Variants in USP32 observed in about 807,000 individuals in gnomAD.
USP32 encodes the protein ubiquitin carboxyl-terminal hydrolase 32.
A neutral mutation model predicts 204.8 loss-of-function variants in USP32; 59 were observed. The ratio of observed to expected loss-of-function variants is 0.29; its 90% confidence interval spans 0.23 to 0.36. The LOEUF (loss-of-function observed/expected upper bound fraction) is 0.36, where lower values mean the gene tolerates loss of function less well. Among genes scored for constraint, USP32 ranks in the 10% least tolerant of loss-of-function variants. The pLI is 1.00. For synonymous variants in USP32, 517 were observed against 678.4 expected (o/e 0.76, Z 3.70); for missense variants, 1,160 against 1,946.4 (o/e 0.60, Z 7.60).
Position 60,398,814 on chromosome 17 carries a change from C to CA in USP32, c.106+23431dup, listed in dbSNP as rs34107183. 2.6e-3 allele frequency among the ~76,000 whole-genome samples: 361 copies of CA among 141,088 alleles called. 2 individuals carry two copies. The highest frequency in any genetic ancestry group is 5.4e-3 in the African/African-American group (206 of 38,424). 92.6% of individuals were successfully genotyped at this position (141,088 alleles called of 152,430 possible). The stretch of plus-strand genomic sequence containing the variant: ...GCAACATTGCAAGACCCTGTCTCTA[C>CA]AAAAAAAAAAAATTTAATTAGCTGG... On this transcript the variant is annotated intron_variant, in intron 1 of 3. Transcript: ENST00000588898.
chr17:60,270,684 A>G (rs1401375799), intron 6 of USP32, among the ~76,000 whole-genome samples: 1 of 151,988 alleles, frequency 6.6e-6, no homozygotes, highest in Non-Finnish European at 1.5e-5. Context: ...TTAGCCGGGC[A>G]TGGTGGCACA....
At chr17:60,418,671 AAAAC>A (rs1178510652) in intron 1 of USP32, among the ~76,000 whole-genome samples, 1 of 152,132 alleles carries the variant, frequency 6.6e-6, no homozygotes, top group Non-Finnish European at 1.5e-5. Context: ...TACAAGAATA[AAAAC>A]AAACAACCCC....
At chr17:60,185,779 T>C (rs2084235383) in intron 29 of USP32, 128 bp from the exon 30 acceptor site, 1 of 1,126,738 alleles carries the variant, frequency 8.9e-7, no homozygotes, top group Admixed American at 2.8e-5. Context: ...AAAATACAAC[T>C]GGCTGGGTAT....
intron 4 of USP32, among the ~76,000 whole-genome samples, chr17:60,289,109 G>GC (rs1426604642): frequency 6.6e-6 from 1 of 152,128 alleles, no homozygotes; most frequent in Non-Finnish European, 1.5e-5. Flanking sequence ...CCGGGTTCAC[G>GC]CCATTCTCCT....
At chr17:60,307,526 A>T (rs1217185193) in intron 2 of USP32, among the ~76,000 whole-genome samples, 2 of 152,204 alleles carry the variant, frequency 1.3e-5, no homozygotes, top group African/African-American at 4.8e-5. Flanking sequence ...CATACATGGA[A>T]CCTCAAAAGA....
chr17:60,374,857 C>T (rs1436494021), intron 1 of USP32, among the ~76,000 whole-genome samples: 1 of 152,146 alleles, frequency 6.6e-6, no homozygotes, highest in Admixed American at 6.6e-5. Flanking sequence ...TGCAGTCCAT[C>T]GTTAACCAAA....
intron 16 of USP32, among the ~76,000 whole-genome samples, chr17:60,215,050 C>T (rs1381175703): frequency 6.6e-6 from 1 of 152,100 alleles, no homozygotes; most frequent in African/African-American, 2.4e-5. Flanking sequence ...TCACTGCAGC[C>T]TCCACCTCCA....
At chr17:60,288,377 C>G in intron 5 of USP32, 146 bp downstream of exon 5, 1 of 920,586 alleles carries the variant, frequency 1.1e-6, no homozygotes, top group Non-Finnish European at 1.6e-6. Context: ...GAAGTTGAGA[C>G]TGCCGTAAGC....
intron 3 of USP32, among the ~76,000 whole-genome samples, chr17:60,300,617 G>A (rs1336430058): frequency 2.0e-5 from 3 of 151,990 alleles, no homozygotes; most frequent in African/African-American, 7.2e-5. Flanking sequence ...GTAAACTTTG[G>A]TTTTGTTTGT....
Position 60,208,732 on chromosome 17 carries a change from T to G in USP32, c.2695A>C (p.Ile899Leu), listed in dbSNP as rs778044102. 7.0e-5 allele frequency: 112 copies of G among 1,608,956 alleles called. No individual in the cohort carries two copies. Among genetic ancestry groups the G allele is most frequent in the Non-Finnish European group, 8.6e-5 (101 of 1,177,860 alleles). Residue 899 changes from isoleucine (I) to leucine (L), a missense_variant, in exon 23 of 34, where the codon ATA (isoleucine) becomes CTA (leucine). Ile to Leu is a conservative substitution (Grantham distance 5, BLOSUM62 2). Coordinates refer to ENST00000300896, the MANE Select transcript of USP32 (RefSeq NM_032582.4). ...TTGAAAGGGTCAAATCGGACACTTA[T>G]ATGCCCACATGTCTTGCATTTTACT... ...SQVKCKTCGH[I>L]SVRFDPFNFL...
chr17:60,327,415 C>CG (rs1482921900), intron 2 of USP32, among the ~76,000 whole-genome samples: 8 of 13,106 alleles, frequency 6.1e-4, no homozygotes, highest in South Asian at 2.3e-3. Flanking sequence ...TGGTGGGGGG[C>CG]GGGGGGGAGG....
chr17:60,262,676 C>T (rs976905537), intron 9 of USP32, among the ~76,000 whole-genome samples: 1 of 152,090 alleles, frequency 6.6e-6, no homozygotes, highest in African/African-American at 2.4e-5. Context: ...AGGTCTACAG[C>T]CTTCAATATA....
At position 60,181,753 on chromosome 17, in the gene USP32, G is replaced by C; in HGVS notation, c.4124-5C>G. ...TTCTTGATGAAGAAGGAGAACCTGT[G>C]AACAGGACAGAAGAAAAGATTCACA... On this transcript the variant is annotated splice_region_variant and splice_polypyrimidine_tract_variant and intron_variant, in intron 31 of 33. Transcript: ENST00000300896. 6.2e-7 allele frequency: 1 copy of C among 1,603,352 alleles called. No individual in the cohort carries two copies. The highest frequency in any genetic ancestry group is 2.2e-5 in the East Asian group (1 of 44,776).
intron 1 of USP32, among the ~76,000 whole-genome samples, chr17:60,399,425 C>T (rs1011314786): frequency 3.2e-4 from 48 of 151,810 alleles, no homozygotes; most frequent in Non-Finnish European, 5.1e-4. Flanking sequence ...GAGGCCAAGG[C>T]GGGAGGATTG....
intron 2 of USP32, among the ~76,000 whole-genome samples, chr17:60,302,048 G>GA (rs1567839709): frequency 6.6e-6 from 1 of 152,110 alleles, no homozygotes. Context: ...ATTTGCACTA[G>GA]ATGATTTTGC....
intron 1 of USP32, among the ~76,000 whole-genome samples, chr17:60,405,115 C>T (rs1209307234): frequency 6.6e-6 from 1 of 152,068 alleles, no homozygotes. Context: ...CAGTGACCCA[C>T]GATCATGCCA....
chr17:60,334,687 G>A lies in USP32; in HGVS notation c.186+10794C>T, dbSNP rs113433185. On this transcript the variant is annotated intron_variant, in intron 2 of 33. Coordinates refer to ENST00000300896, the MANE Select transcript of USP32 (RefSeq NM_032582.4). ...AGCCTGGGCAACAAAGCGAGACTCC[G>A]TCTCAAAAAAAAAGAAAAGAAAAGA... 1.5e-3 allele frequency among the ~76,000 whole-genome samples: 218 copies of A among 141,920 alleles called. 47 individuals are homozygous for A. The highest frequency in any genetic ancestry group is 6.0e-3 in the African/African-American group (196 of 32,784). The allele number at this position is 141,920 out of a possible 152,430, so 93.1% of individuals were successfully genotyped here.
chr17:60,367,733 G>A (rs966305642), intron 1 of USP32, among the ~76,000 whole-genome samples: 2 of 152,126 alleles, frequency 1.3e-5, no homozygotes, highest in African/African-American at 4.8e-5. Flanking sequence ...ACTTGAACCT[G>A]GGAGGCAGAG....
At chr17:60,266,942 C>A (rs1474427892) in intron 7 of USP32, among the ~76,000 whole-genome samples, 1 of 151,846 alleles carries the variant, frequency 6.6e-6, no homozygotes, top group Non-Finnish European at 1.5e-5. Flanking sequence ...GCGTGAGCCA[C>A]TGTGCCCGGC....
Sources: gnomAD v4.1 joint callset for allele counts (sites outside exome capture counted in the v4.1 genomes callset) on GRCh38, gnomAD v4.1.1 for gene constraint, MANE v1.5 for transcripts, NCBI Gene and HGNC (gene_info 2026-07-23, HGNC 2026-07-21) for gene names.